Variants in CSMD1 observed in about 807,000 individuals in gnomAD.
CSMD1 encodes the protein CUB and sushi domain-containing protein 1.
Under a neutral mutation model 417.5 loss-of-function variants are expected in CSMD1, and 213 were observed. The ratio of observed to expected loss-of-function variants is 0.51; its 90% CI spans 0.46 to 0.57. The LOEUF (loss-of-function observed/expected upper bound fraction) is 0.57. CSMD1 is among the 20% of genes least tolerant of loss of function. The pLI is 0.00. For missense variants in CSMD1, 6,923 were observed against 4,529.7 expected, an observed-to-expected ratio of 1.53 and a Z score of -15.17; for synonymous variants, 2,862 against 1,736.8, an observed-to-expected ratio of 1.65 and a Z score of -16.11.
intron 5 of CSMD1, among the ~76,000 whole-genome samples, chr8:3,853,782 C>A (rs895177594): frequency 6.6e-6 from 1 of 151,396 alleles, no homozygotes; most frequent in African/African-American, 2.4e-5. Flanking sequence ...TGACGAGTTA[C>A]TGGGTGCAGC....
chr8:4,378,739 G>A (rs1210422973), intron 3 of CSMD1, among the ~76,000 whole-genome samples: 1 of 152,196 alleles, frequency 6.6e-6, no homozygotes, highest in East Asian at 1.9e-4. Flanking sequence ...AGGCCTTTGG[G>A]AGATTATGAG....
At chr8:3,838,190 C>T (rs191813148) in intron 5 of CSMD1, among the ~76,000 whole-genome samples, 1 of 152,082 alleles carries the variant, frequency 6.6e-6, no homozygotes, top group East Asian at 1.9e-4. Context: ...ACAGACCCTG[C>T]CTTCCTATGG....
Position 3,232,814 on chromosome 8 carries a change from C to T in CSMD1, c.4154-2583G>A, listed in dbSNP as rs181957916. ...GCTTTCATACTAATTAATTTTTTCT[C>T]GTGCTTTTATTTTAGTAGACTTTCT... On this transcript the variant is annotated intron_variant, in intron 26 of 69. Transcript: ENST00000635120. 1.6e-3 allele frequency among the ~76,000 whole-genome samples: 241 copies of T among 152,002 alleles called. 2 individuals carry two copies. Among genetic ancestry groups the T allele is most frequent in the African/African-American group, 5.6e-3 (231 of 41,472 alleles).
At chr8:4,365,985 C>T (rs1006936599) in intron 3 of CSMD1, among the ~76,000 whole-genome samples, 1 of 151,948 alleles carries the variant, frequency 6.6e-6, no homozygotes, top group Non-Finnish European at 1.5e-5. Context: ...CATGGGGAAA[C>T]TGTGTGTTGT....
intron 3 of CSMD1, among the ~76,000 whole-genome samples, chr8:4,296,696 G>GTT (rs371696159): frequency 0.039 from 4,468 of 114,762 alleles, 206 homozygotes; most frequent in African/African-American, 0.044. Flanking sequence ...GAAAATAAGG[G>GTT]TTTTTTTTTT....
chr8:3,952,591 G>C (rs373071630), intron 5 of CSMD1, among the ~76,000 whole-genome samples: 1 of 152,120 alleles, frequency 6.6e-6, no homozygotes, highest in African/African-American at 2.4e-5. Context: ...GTCACCAAGA[G>C]ACAGGGAGAG....
intron 5 of CSMD1, among the ~76,000 whole-genome samples, chr8:3,892,651 G>A (rs891054216): frequency 1.4e-4 from 21 of 151,362 alleles, no homozygotes; most frequent in Admixed American, 7.9e-4. Context: ...GGCACGTCGT[G>A]GGATTTTTGG....
At chr8:4,805,551 T>A (rs1729202714) in intron 1 of CSMD1, among the ~76,000 whole-genome samples, 1 of 152,116 alleles carries the variant, frequency 6.6e-6, no homozygotes, top group Admixed American at 6.6e-5. Flanking sequence ...AACCTTCCCC[T>A]CTCACTTGCT....
At position 4,800,940 on chromosome 8, in the gene CSMD1, T is replaced by C. The variant is rs1371349802; in HGVS notation, c.86-163382A>G. Among the ~76,000 whole-genome samples, 4 of 152,214 alleles carry C rather than the reference T, an allele frequency of 2.6e-5. No individual in the cohort carries two copies. In the East Asian group the frequency reaches 5.8e-4, roughly 22 times the overall value. ...GTAATATCGGAAATAAATCTCCTGA[T>C]TGTTATTTTTTAAAAGCAGACTTCT... On this transcript the variant is annotated intron_variant, in intron 1 of 69. Coordinates refer to ENST00000635120, the MANE Select transcript of CSMD1 (RefSeq NM_033225.6).
chr8:4,915,206 G>A (rs1408120364), intron 1 of CSMD1, among the ~76,000 whole-genome samples: 1 of 151,276 alleles, frequency 6.6e-6, no homozygotes. Context: ...ATATACCTGT[G>A]TATTTATACA....
At chr8:3,888,333 G>T (rs2627348) in intron 5 of CSMD1, among the ~76,000 whole-genome samples, 108,284 of 152,124 alleles carry the variant, frequency 0.71, 38,940 homozygotes, top group Admixed American at 0.79. Context: ...TGTATCCAAA[G>T]TCAAAGGATG....
At chr8:3,948,284 CAA>C (rs1158565053) in intron 5 of CSMD1, among the ~76,000 whole-genome samples, 1 of 152,018 alleles carries the variant, frequency 6.6e-6, no homozygotes, top group African/African-American at 2.4e-5. Context: ...AAAATAAAAA[CAA>C]AAAGTCATGT....
chr8:3,347,893 G>T, intron 22 of CSMD1, 99 bp downstream of exon 22: 1 of 695,536 alleles, frequency 1.4e-6, no homozygotes, highest in Non-Finnish European at 2.2e-6. Flanking sequence ...AAAAATATAT[G>T]TTAATATGTG....
chr8:3,742,790 C>G (rs775326338), intron 6 of CSMD1, among the ~76,000 whole-genome samples: 2 of 152,098 alleles, frequency 1.3e-5, no homozygotes, highest in Admixed American at 6.6e-5. Flanking sequence ...ACAACAGCAA[C>G]AACAAAAAAC....
At chr8:4,283,427 G>C (rs898774804) in intron 3 of CSMD1, among the ~76,000 whole-genome samples, 2 of 151,914 alleles carry the variant, frequency 1.3e-5, no homozygotes, top group Non-Finnish European at 2.9e-5. Context: ...TTTTCATCTG[G>C]GTACAGGATT....
At chr8:3,694,613 C>A (rs1205978839) in intron 7 of CSMD1, among the ~76,000 whole-genome samples, 3 of 151,888 alleles carry the variant, frequency 2.0e-5, no homozygotes, top group Non-Finnish European at 4.4e-5. Context: ...AAAGGAAGGA[C>A]CCAGCCCTGG....
Position 4,696,153 on chromosome 8 carries a change from A to T in CSMD1, c.86-58595T>A, listed in dbSNP as rs149882241. On this transcript the variant is annotated intron_variant, in intron 1 of 69. Transcript: ENST00000635120. ...CAGAGAACAGTTTTTGTTACATGAAAATCATTCAATAAATGTTTTAAAGCC... is the reference window on the plus strand; with the variant it reads ...CAGAGAACAGTTTTTGTTACATGAATATCATTCAATAAATGTTTTAAAGCC... Among the ~76,000 whole-genome samples, 210 of 152,362 alleles carry T rather than the reference A, an allele frequency of 1.4e-3. 1 individual carries two copies. Among genetic ancestry groups the T allele is most frequent in the Non-Finnish European group, 2.5e-3 (167 of 68,038 alleles).
intron 49 of CSMD1, among the ~76,000 whole-genome samples, chr8:3,061,687 T>A (rs1186481905): frequency 6.6e-6 from 1 of 152,216 alleles, no homozygotes; most frequent in African/African-American, 2.4e-5. Context: ...AATGACAAAG[T>A]TATAGCGAAA....
chr8:4,787,971 G>C (rs1797498310), intron 1 of CSMD1: 1 of 1,595,494 alleles, frequency 6.3e-7, no homozygotes, highest in East Asian at 2.2e-5. Flanking sequence ...GCCATCAGGA[G>C]ATCGAAGCCA....
Sources: gnomAD v4.1 joint callset for allele counts (sites outside exome capture counted in the v4.1 genomes callset) on GRCh38, gnomAD v4.1.1 for gene constraint, MANE v1.5 for transcripts, NCBI Gene and HGNC (gene_info 2026-07-23, HGNC 2026-07-21) for gene names.